The following EXOSC4 variants were observed in gnomAD, a reference collection of about 807,000 sequenced individuals.
EXOSC4 encodes exosome component 4, also known as exosome complex component RRP41.
Under a neutral mutation model 20.0 loss-of-function variants are expected in EXOSC4, and 14 were observed. The ratio of observed to expected loss-of-function variants is 0.70; its 90% confidence interval spans 0.46 to 1.09. The LOEUF (loss-of-function observed/expected upper bound fraction) is 1.09. Among genes scored for constraint, EXOSC4 ranks in the 50% least tolerant of loss-of-function variants. The pLI is 0.00. For synonymous variants in EXOSC4, 148 were observed against 146.4 expected, an observed-to-expected ratio of 1.01 and a Z score of -0.08; for missense variants, 337 against 334.0, an observed-to-expected ratio of 1.01 and a Z score of -0.07.
upstream of EXOSC4, among the ~76,000 whole-genome samples, chr8:144,076,214 G>C (rs1327002772): frequency 6.6e-6 from 1 of 152,176 alleles, no homozygotes; most frequent in African/African-American, 2.4e-5. Flanking sequence ...CACACACACG[G>C]CTCCAGCTTC....
chr8:144,079,739 G>C (rs782788746), intron 1 of EXOSC4: 204 of 705,092 alleles, frequency 2.9e-4, no homozygotes, highest in Non-Finnish European at 4.7e-4. Context: ...AATGGGGCAA[G>C]GATGGACACA....
At chr8:144,064,081 C>A in the EXOSC4 span, 1 of 152,372 alleles carries the variant, frequency 6.6e-6, no homozygotes. Context: ...CTGTTCCAAC[C>A]ACCCCGTGGC....
At chr8:144,079,638 T>TG (rs1294141951) in intron 1 of EXOSC4, 2 of 515,082 alleles carry the variant, frequency 3.9e-6, no homozygotes, top group East Asian at 8.0e-5. Flanking sequence ...TTATTTCATA[T>TG]GTAATGTGAA....
chr8:144,076,502 T>G (rs1356147627), upstream of EXOSC4, among the ~76,000 whole-genome samples: 2 of 151,918 alleles, frequency 1.3e-5, no homozygotes, highest in Admixed American at 1.3e-4. Flanking sequence ...AGTACGAGGG[T>G]CAGAGAACCA....
At chr8:144,065,977 G>GTTT in the EXOSC4 span, among the ~76,000 whole-genome samples, 3 of 139,280 alleles carry the variant, frequency 2.2e-5, no homozygotes, top group African/African-American at 8.1e-5. Flanking sequence ...TGCCTGGCTA[G>GTTT]TTTTTTTGTT....
At position 144,080,259 on chromosome 8, in the gene EXOSC4, T is replaced by C; in HGVS notation, c.396T>C (p.Gly132=). The change falls in exon 3 of 3, where the codon GGT becomes GGC. Residue 132 remains glycine, a synonymous_variant. Transcript: ENST00000316052. This position sits in a 1 kb window ranked among gnomAD's most constrained non-coding sequence, Gnocchi z 4.9. The part of the protein sequence containing the change: ...DIYVQVLQAD[G]GTYAACVNAA... ...CCCTGCAGGTGCTACAGGCAGATGGTGGGACCTATGCAGCTTGTGTGAATG... is the reference window on the plus strand; with the variant it reads ...CCCTGCAGGTGCTACAGGCAGATGGCGGGACCTATGCAGCTTGTGTGAATG... 2 of 1,613,642 alleles carry C rather than the reference T, an allele frequency of 1.2e-6. No homozygotes were observed. Among genetic ancestry groups the C allele is most frequent in the Non-Finnish European group, 1.7e-6 (2 of 1,179,868 alleles).
the EXOSC4 span, among the ~76,000 whole-genome samples, chr8:144,070,902 A>G: frequency 6.6e-6 from 1 of 152,018 alleles, no homozygotes; most frequent in Non-Finnish European, 1.5e-5. Flanking sequence ...GAGGTTAAAT[A>G]CAACCTTTGA....
rs1554763298 is a variant in EXOSC4 at position 144,080,288 on chromosome 8, C to T, written c.425C>T (p.Ala142Val). 6 of 1,613,684 alleles carry T rather than the reference C, an allele frequency of 3.7e-6. No homozygotes were observed. Among genetic ancestry groups the T allele is most frequent in the South Asian group, 2.2e-5 (2 of 91,078 alleles). Residue 142 changes from alanine to valine, a missense_variant, in exon 3 of 3, where the codon GCC (alanine) becomes GTC (valine). Coordinates refer to ENST00000316052, the MANE Select transcript of EXOSC4 (RefSeq NM_019037.3). The surrounding 1 kb of genome is among the most constrained non-coding windows in gnomAD (Gnocchi z 4.9). ...ACCTATGCAGCTTGTGTGAATGCAG[C>T]CACGCTGGCAGTGCTGGATGCCGGG... is the stretch of plus-strand genomic sequence containing the variant. ...GGTYAACVNAATLAVLDAGIP... is the reference protein window; with the variant it reads ...GGTYAACVNAVTLAVLDAGIP...
chr8:144,079,654 T>C (rs1293094530), intron 1 of EXOSC4: 2 of 573,312 alleles, frequency 3.5e-6, no homozygotes, highest in Admixed American at 4.8e-5. Flanking sequence ...GTGAAACCTT[T>C]GTAAGGTAGT....
upstream of EXOSC4, chr8:144,078,154 G>C (rs1485159069): frequency 6.6e-6 from 1 of 151,796 alleles, no homozygotes; most frequent in Non-Finnish European, 1.5e-5. The surrounding 1 kb of genome is among the most constrained non-coding windows in gnomAD (Gnocchi z 4.7). Flanking sequence ...TCGGTGTAAA[G>C]GGAGGGCATG....
the EXOSC4 span, among the ~76,000 whole-genome samples, chr8:144,065,597 C>A: frequency 1.5e-4 from 23 of 151,676 alleles, 1 homozygote; most frequent in Non-Finnish European, 3.2e-4. Context: ...TAGCTGGCCG[C>A]GATGGCAGGC....
upstream of EXOSC4, chr8:144,078,000 A>C (rs1385607781): frequency 6.6e-6 from 1 of 152,250 alleles, no homozygotes; most frequent in Non-Finnish European, 1.5e-5. Context: ...TGCAGCACAT[A>C]ATAATAGAAT....
the EXOSC4 span, among the ~76,000 whole-genome samples, chr8:144,070,225 C>A: frequency 6.6e-6 from 1 of 152,098 alleles, no homozygotes; most frequent in Non-Finnish European, 1.5e-5. Flanking sequence ...GGTCAGGACA[C>A]AGAAGGAAAC....
chr8:144,077,597 C>T (rs1002488125), upstream of EXOSC4, among the ~76,000 whole-genome samples: 2 of 152,344 alleles, frequency 1.3e-5, no homozygotes, highest in South Asian at 4.1e-4. Context: ...ACACTCCTCC[C>T]ACTGAAGGGT....
chr8:144,066,413 C>A, the EXOSC4 span, among the ~76,000 whole-genome samples: 1 of 151,026 alleles, frequency 6.6e-6, no homozygotes, highest in African/African-American at 2.4e-5. Context: ...AGCCACCACA[C>A]CTGGCCAAAG....
the EXOSC4 span, among the ~76,000 whole-genome samples, chr8:144,073,566 C>T: frequency 6.6e-6 from 1 of 151,482 alleles, no homozygotes; most frequent in East Asian, 2.0e-4. Context: ...TAAATACTAA[C>T]GACCGGCCGG....
the EXOSC4 span, among the ~76,000 whole-genome samples, chr8:144,065,553 A>T: frequency 6.6e-6 from 1 of 151,702 alleles, no homozygotes; most frequent in Non-Finnish European, 1.5e-5. Flanking sequence ...ACATGGTGAA[A>T]CCCCATCTCT....
the EXOSC4 span, among the ~76,000 whole-genome samples, chr8:144,072,611 C>A: frequency 6.6e-6 from 1 of 152,228 alleles, no homozygotes; most frequent in African/African-American, 2.4e-5. Context: ...TCTACCTCCG[C>A]AAGATCAACT....
rs1835889698 is a variant in EXOSC4 at position 144,080,471 on chromosome 8, C to G, written c.608C>G (p.Ala203Gly). The change falls in exon 3 of 3, where the codon GCC (alanine) becomes GGC (glycine). Residue 203 changes from alanine (A) to glycine (G), a missense_variant. By Grantham distance (60) the Ala-to-Gly change is moderately conservative. Transcript: ENST00000316052. The surrounding 1 kb of genome is among the most constrained non-coding windows in gnomAD (Gnocchi z 4.9). Reference sequence around the variant, plus strand: ...CAGATTGCGCTGCTTGAGATGGATGCCCGGCTGCACGAGGACCACCTGGAG... The same window carrying G: ...CAGATTGCGCTGCTTGAGATGGATGGCCGGCTGCACGAGGACCACCTGGAG... ...SGQIALLEMD[A>G]RLHEDHLERV... 1 of 1,608,190 alleles carries G rather than the reference C, an allele frequency of 6.2e-7. No homozygotes were observed.
Sources: gnomAD v4.1 joint callset for allele counts (sites outside exome capture counted in the v4.1 genomes callset) on GRCh38, gnomAD v4.1.1 for gene constraint, Gnocchi (gnomAD v3.1) non-coding constraint, MANE v1.5 for transcripts, NCBI Gene and HGNC (gene_info 2026-07-23, HGNC 2026-07-21) for gene names.